Variants in NRG3 observed in about 807,000 individuals in gnomAD.
The protein encoded by NRG3 is neuregulin 3, also known as pro-neuregulin-3, membrane-bound isoform.
Under a neutral mutation model 66.9 loss-of-function variants are expected in NRG3, and 31 were observed. The observed-to-expected ratio is 0.46, with a 90% confidence interval of 0.35 to 0.63. The LOEUF (loss-of-function observed/expected upper bound fraction) is 0.63. NRG3 is among the 20% of genes least tolerant of loss of function. NRG3 has a pLI of 0.00. For synonymous variants in NRG3, 393 were observed against 359.4 expected, an observed-to-expected ratio of 1.09 and a Z score of -1.06; for missense variants, 910 against 878.9, an observed-to-expected ratio of 1.04 and a Z score of -0.45.
Position 81,875,818 on chromosome 10 carries a change from A to G in NRG3, c.478A>G (p.Thr160Ala), listed in dbSNP as rs1841571735. The change falls in exon 1 of 9, where the codon ACC becomes GCC. Residue 160 changes from threonine to alanine, a missense_variant. Thr to Ala is a moderately conservative substitution (Grantham distance 58, BLOSUM62 0). Coordinates refer to ENST00000372141, the MANE Select transcript of NRG3 (RefSeq NM_001010848.4). The surrounding 1 kb of genome is among the most constrained non-coding windows in gnomAD (Gnocchi z 5.3). The stretch of plus-strand genomic sequence containing the variant: ...CAACCGGATTAGCACTCGCCTGACC[A>G]CCATCACGCGGGCGCCCACTCGCTT... Reference protein sequence around the residue: ...TPNRISTRLTTITRAPTRFPG... With the variant: ...TPNRISTRLTAITRAPTRFPG... The G allele has an allele frequency of 6.2e-7, 1 of 1,608,928 alleles. No homozygotes were observed. Among genetic ancestry groups the G allele is most frequent in the African/African-American group, 1.3e-5 (1 of 74,858 alleles).
chr10:82,536,869 T>C (rs2132705359), intron 2 of NRG3, among the ~76,000 whole-genome samples: 1 of 151,374 alleles, frequency 6.6e-6, no homozygotes, highest in East Asian at 1.9e-4. Context: ...AATATTTTTA[T>C]TATTAAATTG....
chr10:82,295,412 G>A (rs2080002704), intron 1 of NRG3, among the ~76,000 whole-genome samples: 3 of 152,104 alleles, frequency 2.0e-5, no homozygotes. Context: ...ATCTCTAACA[G>A]TATGACCTCG....
rs57655284 is a variant in NRG3 at position 82,895,486 on chromosome 10, C to CTTTTT, written c.1054+30062_1054+30066dup. ...AAAGACAATCCAGCACAATAACATT[C>CTTTTT]TTTTTTTTTTTTTTTTTGAGACAGA... On this transcript the variant is annotated intron_variant, in intron 4 of 8. Transcript: ENST00000372141. Among the ~76,000 whole-genome samples the CTTTTT allele has an allele frequency of 9.4e-5, 12 of 128,318 alleles. 1 individual carries two copies. The South Asian group carries it at 9.9e-4, about 11-fold the overall frequency. The allele number at this position is 128,318 out of a possible 152,430, so 84.2% of individuals were successfully genotyped here.
chr10:82,098,333 G>C (rs1467441465), intron 1 of NRG3, among the ~76,000 whole-genome samples: 1 of 147,888 alleles, frequency 6.8e-6, no homozygotes, highest in African/African-American at 2.6e-5. Context: ...CTATATATAT[G>C]ACATATATAT....
chr10:82,890,770 G>A (rs1256696837), intron 4 of NRG3, among the ~76,000 whole-genome samples: 1 of 152,106 alleles, frequency 6.6e-6, no homozygotes, highest in African/African-American at 2.4e-5. Flanking sequence ...AACTTGAATT[G>A]CGTAAGACGT....
chr10:82,312,590 T>C (rs1367749275), intron 1 of NRG3, among the ~76,000 whole-genome samples: 2 of 152,236 alleles, frequency 1.3e-5, no homozygotes, highest in African/African-American at 4.8e-5. Flanking sequence ...ATGTTGGGCT[T>C]CTGTTCTTTC....
At chr10:82,527,320 AAAAT>A (rs1466855171) in intron 2 of NRG3, among the ~76,000 whole-genome samples, 3 of 130,672 alleles carry the variant, frequency 2.3e-5, no homozygotes, top group African/African-American at 1.0e-4. Flanking sequence ...ATTAAAAAAA[AAAAT>A]ATTAGTAAAT....
intron 3 of NRG3, among the ~76,000 whole-genome samples, chr10:82,794,614 C>A (rs2060720051): frequency 6.6e-6 from 1 of 152,070 alleles, no homozygotes; most frequent in Non-Finnish European, 1.5e-5. Context: ...GTAGGCACTG[C>A]CATGCTGCTG....
At chr10:82,102,690 A>G (rs902141288) in intron 1 of NRG3, among the ~76,000 whole-genome samples, 2 of 151,996 alleles carry the variant, frequency 1.3e-5, no homozygotes, top group Non-Finnish European at 2.9e-5. Flanking sequence ...CTCTACATAA[A>G]TATACATTTC....
At chr10:82,120,443 G>A (rs575751403) in intron 1 of NRG3, among the ~76,000 whole-genome samples, 1 of 152,226 alleles carries the variant, frequency 6.6e-6, no homozygotes, top group South Asian at 2.1e-4. Context: ...GAAGTTCAGA[G>A]ATAGCTGACT....
intron 4 of NRG3, among the ~76,000 whole-genome samples, chr10:82,895,783 G>A (rs542840230): frequency 1.1e-4 from 16 of 152,172 alleles, no homozygotes; most frequent in African/African-American, 2.4e-4. Flanking sequence ...GAGCCACCGC[G>A]CCCTACCAAT....
intron 2 of NRG3, among the ~76,000 whole-genome samples, chr10:82,730,079 T>C: frequency 6.7e-6 from 1 of 148,586 alleles, no homozygotes; most frequent in East Asian, 2.0e-4. Context: ...TCTTTTCTTT[T>C]TTTTTTTCCT....
chr10:82,859,296 T>C (rs1174873762), intron 3 of NRG3: 1 of 152,178 alleles, frequency 6.6e-6, no homozygotes, highest in African/African-American at 2.4e-5. Flanking sequence ...GGAACATGCT[T>C]TTCCATATCC....
Position 82,906,457 on chromosome 10 carries a change from G to T in NRG3, c.1054+41020G>T, listed in dbSNP as rs557688359. On this transcript the variant is annotated intron_variant, in intron 4 of 8. Coordinates refer to ENST00000372141, the MANE Select transcript of NRG3 (RefSeq NM_001010848.4). ...TGTTGGGGAATAAGATTTGTAACCTGGCTTTACTTAATCATCTTTATCCAA... is the reference window on the plus strand; with the variant it reads ...TGTTGGGGAATAAGATTTGTAACCTTGCTTTACTTAATCATCTTTATCCAA... 2.0e-5 allele frequency among the ~76,000 whole-genome samples: 3 copies of T among 152,148 alleles called. No homozygotes were observed. The South Asian group carries it at 6.2e-4, about 32-fold the overall frequency.
At chr10:82,677,536 C>T (rs953457370) in intron 2 of NRG3, among the ~76,000 whole-genome samples, 4 of 152,082 alleles carry the variant, frequency 2.6e-5, no homozygotes, top group African/African-American at 9.7e-5. Flanking sequence ...GGCTTTTCTT[C>T]TCTTATGGCC....
intron 3 of NRG3, among the ~76,000 whole-genome samples, chr10:82,754,890 G>T (rs1453465247): frequency 6.6e-6 from 1 of 152,120 alleles, no homozygotes; most frequent in African/African-American, 2.4e-5. Context: ...TGAGCAGAAA[G>T]ACACCAGCCT....
intron 1 of NRG3, among the ~76,000 whole-genome samples, chr10:82,330,882 A>G (rs759622394): frequency 2.6e-5 from 4 of 152,202 alleles, no homozygotes; most frequent in African/African-American, 4.8e-5. Context: ...CCACTGATCC[A>G]TTTAATGTCT....
intron 2 of NRG3, among the ~76,000 whole-genome samples, chr10:82,569,626 G>T (rs2045610733): frequency 6.6e-6 from 1 of 151,524 alleles, no homozygotes; most frequent in Non-Finnish European, 1.5e-5. Context: ...AAACGTTTTG[G>T]GTTTCATAAC....
In NRG3 at chr10:82,358,770, G is replaced by A; in HGVS notation, c.855G>A (p.Glu285=). ...CGACATATTCCACAGAGCGATCCGA[G>A]CACTTCAAACCCTGCCGAGACAAGG... is the stretch of plus-strand genomic sequence containing the variant. The part of the protein sequence containing the change: ...HTTTYSTERS[E]HFKPCRDKDL... Residue 285 remains glutamate, a synonymous_variant, in exon 2 of 9, where the codon GAG becomes GAA. Transcript: ENST00000372141. The A allele has an allele frequency of 6.2e-7, 1 of 1,614,146 alleles. No individual in the cohort carries two copies. Among genetic ancestry groups the A allele is most frequent in the South Asian group, 1.1e-5 (1 of 91,086 alleles).
Sources: gnomAD v4.1 joint callset for allele counts (sites outside exome capture counted in the v4.1 genomes callset) on GRCh38, gnomAD v4.1.1 for gene constraint, Gnocchi (gnomAD v3.1) non-coding constraint, MANE v1.5 for transcripts, NCBI Gene and HGNC (gene_info 2026-07-23, HGNC 2026-07-21) for gene names.